ROBO2: variants seen among roughly 807,000 people sequenced by gnomAD.
ROBO2 encodes roundabout homolog 2.
ROBO2 carries 53 observed loss-of-function variants against 160.8 expected under a neutral mutation model. The ratio of observed to expected loss-of-function variants is 0.33; its 90% CI spans 0.26 to 0.41. ROBO2 has a LOEUF of 0.41. ROBO2 is among the 10% of genes least tolerant of loss of function. The probability of loss-of-function intolerance (pLI) is 1.00; values close to 1 mark genes in which losing one functional copy is unlikely to be tolerated. For missense variants in ROBO2, 1,577 were observed against 1,722.4 expected (o/e 0.92, Z 1.49); for synonymous variants, 664 against 611.7 (o/e 1.09, Z -1.26).
chr3:76,904,971 A>G (rs1477796153), intron 2 of ROBO2, among the ~76,000 whole-genome samples: 3 of 152,136 alleles, frequency 2.0e-5, no homozygotes, highest in Non-Finnish European at 2.9e-5. Context: ...TAAGTAATGA[A>G]AAGTGATTAA....
chr3:76,941,820 T>G (rs2149114896), intron 2 of ROBO2, among the ~76,000 whole-genome samples: 1 of 152,286 alleles, frequency 6.6e-6, no homozygotes, highest in African/African-American at 2.4e-5. Context: ...ATCCAAGGCC[T>G]GATGCATAGT....
chr3:75,951,696 A>G (rs996220771), intron 2 of ROBO2, among the ~76,000 whole-genome samples: 1 of 152,060 alleles, frequency 6.6e-6, no homozygotes, highest in African/African-American at 2.4e-5. Context: ...TCAGAAATAT[A>G]TGAAAACTAC....
chr3:77,579,841 G>A lies in ROBO2; in HGVS notation c.2329-106G>A. 3 of 1,058,724 alleles carry A rather than the reference G, an allele frequency of 2.8e-6. No homozygotes were observed. In the South Asian group the frequency reaches 4.1e-5, roughly 15 times the overall value. 65.6% of individuals were successfully genotyped at this position (1,058,724 alleles called of 1,614,324 possible). On this transcript the variant is annotated intron_variant, in intron 15 of 25. Transcript: ENST00000461745. ...CATTTGCAAAACTTCTATAAGCCTA[G>A]AAGATAGACAGGTTATGATTAAAAA...
chr3:76,569,258 A>T (rs1436700146), intron 2 of ROBO2, among the ~76,000 whole-genome samples: 1 of 152,198 alleles, frequency 6.6e-6, no homozygotes, highest in Admixed American at 6.5e-5. Context: ...GTCTAGAACA[A>T]TAAGGGATGC....
chr3:76,749,850 C>A (rs1036478010), intron 2 of ROBO2, among the ~76,000 whole-genome samples: 1 of 152,040 alleles, frequency 6.6e-6, no homozygotes, highest in Admixed American at 6.6e-5. Context: ...GGATTCACAG[C>A]TGAATTCTAC....
intron 2 of ROBO2, among the ~76,000 whole-genome samples, chr3:76,562,543 C>T (rs1013351513): frequency 7.9e-5 from 12 of 151,874 alleles, no homozygotes; most frequent in Admixed American, 4.6e-4. Flanking sequence ...AGCCCTTCTT[C>T]GTTTCCAGCT....
At chr3:76,043,712 C>A (rs1436853576) in intron 2 of ROBO2, among the ~76,000 whole-genome samples, 1 of 150,810 alleles carries the variant, frequency 6.6e-6, no homozygotes, top group Non-Finnish European at 1.5e-5. Flanking sequence ...TTATGACCAA[C>A]CATAGTTTTG....
At chr3:76,561,026 G>A (rs1257818848) in intron 2 of ROBO2, among the ~76,000 whole-genome samples, 2 of 147,230 alleles carry the variant, frequency 1.4e-5, no homozygotes. Flanking sequence ...AGCTATAATG[G>A]TGATAGTCAA....
intron 2 of ROBO2, among the ~76,000 whole-genome samples, chr3:76,789,558 C>T (rs1053981227): frequency 1.3e-5 from 2 of 151,506 alleles, no homozygotes; most frequent in African/African-American, 2.4e-5. Flanking sequence ...TATTGTACTG[C>T]GGATGCAGTA....
chr3:77,181,300 A>G (rs567329263), intron 2 of ROBO2, among the ~76,000 whole-genome samples: 16 of 152,208 alleles, frequency 1.1e-4, no homozygotes, highest in African/African-American at 3.6e-4. Flanking sequence ...TGTGGAGATA[A>G]TTACTGTACC....
intron 2 of ROBO2, among the ~76,000 whole-genome samples, chr3:76,727,953 C>T (rs998440122): frequency 2.6e-5 from 4 of 151,686 alleles, no homozygotes; most frequent in African/African-American, 7.3e-5. Context: ...TGATGGATAA[C>T]CTAAGTACCC....
intron 2 of ROBO2, among the ~76,000 whole-genome samples, chr3:76,229,476 A>C (rs1348282131): frequency 1.3e-5 from 2 of 152,134 alleles, no homozygotes; most frequent in Non-Finnish European, 2.9e-5. Flanking sequence ...GGATTACATA[A>C]ATATCAAAAT....
chr3:75,952,133 C>T (rs1253689963), intron 2 of ROBO2, among the ~76,000 whole-genome samples: 2 of 151,886 alleles, frequency 1.3e-5, no homozygotes, highest in African/African-American at 2.4e-5. Context: ...TTTAATCCTA[C>T]ATTGAAATGA....
intron 17 of ROBO2, among the ~76,000 whole-genome samples, chr3:77,592,203 A>AAATT (rs2094197042): frequency 6.6e-6 from 1 of 152,180 alleles, no homozygotes; most frequent in Non-Finnish European, 1.5e-5. Context: ...ATTGTGTACT[A>AAATT]AATTGTATGT....
chr3:77,392,229 C>T (rs945798093), intron 2 of ROBO2, among the ~76,000 whole-genome samples: 3 of 152,198 alleles, frequency 2.0e-5, no homozygotes, highest in African/African-American at 7.2e-5. Flanking sequence ...TTAATCGACT[C>T]AGTTTTTAAA....
At chr3:75,927,418 T>G (rs1373768282) in intron 1 of ROBO2, among the ~76,000 whole-genome samples, 1 of 152,188 alleles carries the variant, frequency 6.6e-6, no homozygotes, top group Non-Finnish European at 1.5e-5. Flanking sequence ...ACCTTCAATG[T>G]ACCACTTAAG....
At chr3:77,350,215 C>A (rs1261447759) in intron 2 of ROBO2, among the ~76,000 whole-genome samples, 2 of 151,482 alleles carry the variant, frequency 1.3e-5, no homozygotes, top group African/African-American at 4.9e-5. Context: ...TCAAGACCAG[C>A]CTGGGCAACA....
At chr3:77,504,752 A>G (rs764178982) in intron 5 of ROBO2, among the ~76,000 whole-genome samples, 35 of 152,236 alleles carry the variant, frequency 2.3e-4, no homozygotes, top group Non-Finnish European at 3.8e-4. Flanking sequence ...ATAAAAAAAG[A>G]TGAGATTGTT....
intron 1 of ROBO2, among the ~76,000 whole-genome samples, chr3:77,046,357 C>A (rs1385361087): frequency 6.6e-6 from 1 of 152,182 alleles, no homozygotes; most frequent in Non-Finnish European, 1.5e-5. Flanking sequence ...GATTTCTAAT[C>A]CCTTCAGTGG....
Sources: gnomAD v4.1 joint callset for allele counts (sites outside exome capture counted in the v4.1 genomes callset) on GRCh38, gnomAD v4.1.1 for gene constraint, MANE v1.5 for transcripts, NCBI Gene and HGNC (gene_info 2026-07-23, HGNC 2026-07-21) for gene names.